The following L1CAM variants were observed in gnomAD, a reference collection of about 807,000 sequenced individuals.
L1CAM encodes the protein neural cell adhesion molecule L1.
L1CAM carries 8 observed loss-of-function variants against 93.0 expected under a neutral mutation model. The observed-to-expected ratio is 0.09, with a 90% CI of 0.05 to 0.16. L1CAM has a LOEUF of 0.16. L1CAM is among the 10% of genes least tolerant of loss of function. The pLI is 1.00. For missense variants in L1CAM, 777 were observed against 1,073.4 expected (o/e 0.72, Z 3.86); for synonymous variants, 453 against 453.0 (o/e 1.00, Z 0.00).
chrX:153,864,117 A>C, intron 25 of L1CAM, 100 bp from the exon 26 acceptor site: 1 of 1,122,042 alleles, frequency 8.9e-7, no homozygotes, highest in East Asian at 3.0e-5. Flanking sequence ...TGGGGGGCTA[A>C]GGAGTGACAG....
At chrX:153,873,926 G>A (rs1214829063) in intron 2 of L1CAM, among the ~76,000 whole-genome samples, 2 of 112,563 alleles carry the variant, frequency 1.8e-5, no homozygotes, top group East Asian at 2.8e-4. Flanking sequence ...GGGCGGCCTC[G>A]AGGAAGGGAG....
Position 153,870,388 on chromosome X carries a change from A to G in L1CAM, c.806T>C (p.Phe269Ser), listed in dbSNP as rs2064757512. ...PLVLECIAEG[F>S]PTPTIKWLRP... ...CCCTGCCCTGGGTTCCCAGACTCAC[A>G]AGCCCTCGGCGATGCACTCCAGGAC... Residue 269 changes from phenylalanine to serine, a missense_variant and splice_region_variant, in exon 8 of 29, where the codon TTT becomes TCT. Physicochemically the swap from Phe to Ser is radical, Grantham distance 155 (BLOSUM62 -2). Transcript: ENST00000370060. The G allele has an allele frequency of 1.7e-6, 2 of 1,208,151 alleles. No individual in the cohort carries two copies.
rs1358183247 is a variant in L1CAM at position 153,868,628 on chromosome X, T to A, written c.1479A>T (p.Gly493=). 5.0e-6 allele frequency: 6 copies of A among 1,209,767 alleles called. No homozygotes were observed. Among genetic ancestry groups the A allele is most frequent in the Non-Finnish European group, 5.6e-6 (5 of 894,933 alleles). The change falls in exon 13 of 29, where the codon GGA becomes GGT. Residue 493 remains glycine, a synonymous_variant. Transcript: ENST00000370060. ...CATTGGCAGCCAGGCAGAAGTAGCG[T>A]CCGGTGTCATTGGCCTGGAGGTCTC... The part of the protein sequence containing the change: ...GIRDLQANDT[G]RYFCLAANDQ...
chrX:153,872,575 C>T lies in L1CAM; in HGVS notation c.197+17G>A, dbSNP rs5987174. On this transcript the variant is annotated intron_variant, in intron 4 of 28. Coordinates refer to ENST00000370060, the MANE Select transcript of L1CAM (RefSeq NM_001278116.2). ...CAGTGGCAGGCAACAGGGGCTGAGA[C>T]GGCAGAGATCACTCACTGCACTTCG... The T allele has an allele frequency of 5.5e-3, 6,272 of 1,150,122 alleles. 162 individuals are homozygous for T. The African/African-American group carries it at 0.079, about 15-fold the overall frequency. The allele number at this position is 1,150,122 out of a possible 1,213,427, so 94.8% of individuals were successfully genotyped here. A position where few individuals can be genotyped will look rare whatever the true frequency, so the allele number is the denominator to read the frequency against.
At chrX:153,881,247 A>G (rs1324266255) in intron 1 of L1CAM, among the ~76,000 whole-genome samples, 2 of 112,289 alleles carry the variant, frequency 1.8e-5, no homozygotes, top group African/African-American at 6.5e-5. Flanking sequence ...ACGGAGGCTC[A>G]GAAAACTGGA....
intron 3 of L1CAM, 130 bp from the exon 4 acceptor site, chrX:153,872,827 C>T (rs370814850): frequency 3.3e-5 from 18 of 552,625 alleles, no homozygotes; most frequent in East Asian, 1.4e-4. Context: ...GGGGGACGAA[C>T]GGAGGGGAAG....
intron 19 of L1CAM, 37 bp downstream of exon 19, chrX:153,866,612 G>A (rs370893419): frequency 1.4e-5 from 15 of 1,092,094 alleles, no homozygotes; most frequent in Non-Finnish European, 1.9e-5. Flanking sequence ...AAGCAGGCGA[G>A]CTCAACCGTG....
chrX:153,864,300 T>C (rs2064691130), intron 25 of L1CAM, 22 bp downstream of exon 25: 1 of 1,207,046 alleles, frequency 8.3e-7, no homozygotes, highest in African/African-American at 1.7e-5. Context: ...TGGCAGGTGA[T>C]GGCGGGCCCC....
chrX:153,862,721 C>T lies in L1CAM; in HGVS notation c.3716G>A (p.Gly1239Glu). 6 of 1,212,178 alleles carry T rather than the reference C, an allele frequency of 4.9e-6. No homozygotes were observed. The highest frequency in any genetic ancestry group is 6.7e-6 in the Non-Finnish European group (6 of 895,519). The change falls in exon 29 of 29, where the codon GGG becomes GAG. Residue 1239 changes from glycine to glutamate, a missense_variant. Coordinates refer to ENST00000370060, the MANE Select transcript of L1CAM (RefSeq NM_001278116.2). Reference protein sequence around the residue: ...YSGKKEKEAAGGNDSSGATSP... With the variant: ...YSGKKEKEAAEGNDSSGATSP... ...AGTGGCCCCTGAGCTGTCATTGCCC[C>T]CTGCCGCCTCCTTCTCCTTCTTGCC... is the stretch of plus-strand genomic sequence containing the variant.
intron 1 of L1CAM, among the ~76,000 whole-genome samples, chrX:153,877,287 C>CAAAAAA (rs34384910): frequency 7.0e-4 from 9 of 12,813 alleles, no homozygotes; most frequent in Non-Finnish European, 1.2e-3. Flanking sequence ...ACTAAAAATA[C>CAAAAAA]AAAAAAAAAA....
chrX:153,884,139 C>T (rs782220575), intron 1 of L1CAM: 25 of 845,645 alleles, frequency 3.0e-5, no homozygotes, highest in Non-Finnish European at 3.3e-5. Flanking sequence ...TGACACCCCA[C>T]GAAGACAGGG....
At chrX:153,885,500 A>C in intron 1 of L1CAM, 3 of 761,926 alleles carry the variant, frequency 3.9e-6, no homozygotes, top group Non-Finnish European at 5.2e-6. Flanking sequence ...AGCCCCCCCA[A>C]CCTTGGGGCG....
Position 153,868,858 on chromosome X carries a change from A to T in L1CAM, c.1362T>A (p.Pro454=), listed in dbSNP as rs1557092047. The T allele has an allele frequency of 6.6e-6, 8 of 1,209,847 alleles. No individual in the cohort carries two copies. In the South Asian group the frequency reaches 1.4e-4, roughly 21 times the overall value. Residue 454 remains proline (P), a synonymous_variant, in exon 12 of 29, where the codon CCT becomes CCA. Coordinates refer to ENST00000370060, the MANE Select transcript of L1CAM (RefSeq NM_001278116.2). ...ACACTCACCACTGAACACTGGGCAC[A>T]GGCGCTCCGAAGGCCTTGCACAGAA... ...AYLLCKAFGA[P]VPSVQWLDED... is the part of the protein sequence containing the mutation.
At chrX:153,883,988 G>A (rs1557096334) in intron 1 of L1CAM, 2 of 343,408 alleles carry the variant, frequency 5.8e-6, no homozygotes, top group Admixed American at 6.2e-5. Flanking sequence ...TCCAGTGGTG[G>A]AAAGGGCTCG....
At chrX:153,883,637 C>T (rs2064858888) in intron 1 of L1CAM, 1 of 289,710 alleles carries the variant, frequency 3.5e-6, no homozygotes, top group African/African-American at 2.8e-5. Flanking sequence ...TCCAGACCCC[C>T]CGCCTCCCCC....
chrX:153,885,401 C>T (rs1443071762), intron 1 of L1CAM: 5 of 980,929 alleles, frequency 5.1e-6, no homozygotes, highest in Non-Finnish European at 6.6e-6. Context: ...CCTACGCCTC[C>T]GGGGAGGAGC....
rs2064664053 is a variant in L1CAM, at chrX:153,861,863, A to G, written c.*800T>C. 1 of 107,153 alleles carries G rather than the reference A, an allele frequency of 9.3e-6. No individual in the cohort carries two copies. Among genetic ancestry groups the G allele is most frequent in the South Asian group, 4.3e-4 (1 of 2,336 alleles). The allele number at this position is 107,153 out of a possible 1,213,427, so 8.8% of individuals were successfully genotyped here. On this transcript the variant is annotated 3_prime_UTR_variant, in exon 29 of 29. Coordinates refer to ENST00000370060, the MANE Select transcript of L1CAM (RefSeq NM_001278116.2). Reference sequence around the variant, plus strand: ...TGGGGGCGGGAGGAGGCTGAGGAAGACAACTGTTCAGACGATAGGGAGGGC... The same window carrying G: ...TGGGGGCGGGAGGAGGCTGAGGAAGGCAACTGTTCAGACGATAGGGAGGGC...
chrX:153,883,437 CA>C lies in L1CAM; in HGVS notation c.-109+2627del, dbSNP rs1208983922. ...ACGTGGGAGGCTGCAGAGGAGAGAG[CA>C]GGGGGGCGGGGGAAGCAGGAGAAGG... On this transcript the variant is annotated intron_variant, in intron 1 of 28. Transcript: ENST00000370060. Among the ~76,000 whole-genome samples the C allele has an allele frequency of 9.2e-4, 89 of 97,083 alleles. 1 individual carries two copies. Among genetic ancestry groups the C allele is most frequent in the African/African-American group, 3.8e-3 (85 of 22,285 alleles). The allele number at this position is 97,083 out of a possible 115,157, so 84.3% of individuals were successfully genotyped here.
rs1157293315 is a variant in L1CAM at position 153,878,110 on chromosome X, CAG to C, written c.-108-2168_-108-2167del. Among the ~76,000 whole-genome samples the C allele has an allele frequency of 3.6e-5, 4 of 112,531 alleles. No homozygotes were observed. The East Asian group carries it at 1.1e-3, about 31-fold the overall frequency. ...GGCAAGAAAGGGTGTTGTTAGGTGA[CAG>C]AGCTTGGAGGCTGAAGTCCCAGACT... On this transcript the variant is annotated intron_variant, in intron 1 of 28. Transcript: ENST00000370060.
Sources: allele counts gnomAD v4.1 joint callset (sites outside exome capture counted in the v4.1 genomes callset), GRCh38; gene constraint gnomAD v4.1.1; transcripts MANE v1.5; gene names NCBI Gene and HGNC (gene_info 2026-07-23, HGNC 2026-07-21).